The following USP24 variants were observed in gnomAD, a reference collection of about 807,000 sequenced individuals.
USP24 encodes ubiquitin specific peptidase 24.
Under a neutral mutation model 361.6 loss-of-function variants are expected in USP24, and 97 were observed. The observed-to-expected ratio is 0.27, with a 90% CI of 0.23 to 0.32. USP24 has a LOEUF of 0.32. USP24 is among the 10% of genes least tolerant of loss of function. USP24 has a pLI of 1.00. For synonymous variants in USP24, 1,098 were observed against 1,124.6 expected, an observed-to-expected ratio of 0.98 and a Z score of 0.47; for missense variants, 2,353 against 3,165.6, an observed-to-expected ratio of 0.74 and a Z score of 6.16.
At chr1:55,121,690 AGAG>A (rs1646286345) in intron 36 of USP24, among the ~76,000 whole-genome samples, 184 bp from the exon 37 acceptor site, 2 of 152,252 alleles carry the variant, frequency 1.3e-5, no homozygotes, top group African/African-American at 4.8e-5. Context: ...AAGTTGTTCA[AGAG>A]AAGAAACCAT....
At position 55,178,496 on chromosome 1, in the gene USP24, G is replaced by A. The variant is rs568986511; in HGVS notation, c.325-364C>T. Among the ~76,000 whole-genome samples the A allele has an allele frequency of 3.2e-3, 488 of 151,840 alleles. 3 individuals carry two copies. Among genetic ancestry groups the A allele is most frequent in the African/African-American group, 0.011 (467 of 41,394 alleles). Reference sequence around the variant, plus strand: ...ATCGTGGCTAACACGGTGAAACCCCGTCTCTATTAAAAATACAAAAAAATT... The same window carrying A: ...ATCGTGGCTAACACGGTGAAACCCCATCTCTATTAAAAATACAAAAAAATT... On this transcript the variant is annotated intron_variant, in intron 1 of 67. Transcript: ENST00000294383.
intron 38 of USP24, among the ~76,000 whole-genome samples, chr1:55,118,776 C>T (rs1199000210): frequency 2.6e-5 from 4 of 152,144 alleles, no homozygotes; most frequent in African/African-American, 4.8e-5. Context: ...AGAAGATATA[C>T]GAATGGCCAA....
intron 6 of USP24, among the ~76,000 whole-genome samples, chr1:55,166,296 G>A (rs868117802): frequency 2.6e-5 from 4 of 151,662 alleles, no homozygotes; most frequent in Middle Eastern, 3.4e-3. Flanking sequence ...CTACTTTATC[G>A]TTGTGCTCCG....
chr1:55,203,438 T>C (rs1393585324), intron 1 of USP24, among the ~76,000 whole-genome samples: 1 of 152,212 alleles, frequency 6.6e-6, no homozygotes, highest in Non-Finnish European at 1.5e-5. Context: ...GTCCCAGCTG[T>C]GAAACAAATA....
chr1:55,110,145 TC>T, intron 39 of USP24, 39 bp downstream of exon 39: 1 of 1,481,886 alleles, frequency 6.7e-7, no homozygotes, highest in Non-Finnish European at 9.1e-7. Flanking sequence ...CTTCTACTCT[TC>T]CCCAGCCCCT....
At chr1:55,110,689 G>A (rs1398916011) in intron 38 of USP24, among the ~76,000 whole-genome samples, 1 of 152,130 alleles carries the variant, frequency 6.6e-6, no homozygotes, top group African/African-American at 2.4e-5. Flanking sequence ...ACAGAGCAGA[G>A]TAAGAAGAGA....
At chr1:55,180,315 G>A (rs1191174663) in intron 1 of USP24, among the ~76,000 whole-genome samples, 1 of 152,144 alleles carries the variant, frequency 6.6e-6, no homozygotes, top group African/African-American at 2.4e-5. Context: ...CTTCCTCCTG[G>A]TTCTCTCTTG....
intron 38 of USP24, among the ~76,000 whole-genome samples, chr1:55,120,226 C>T (rs986762470): frequency 7.2e-5 from 11 of 152,126 alleles, no homozygotes; most frequent in Non-Finnish European, 1.5e-4. Context: ...CCTTGGCTAC[C>T]TCTAGACACG....
At chr1:55,093,915 G>T (rs763324994) in intron 52 of USP24, 22 bp downstream of exon 52, 3 of 1,612,074 alleles carry the variant, frequency 1.9e-6, no homozygotes, top group East Asian at 4.5e-5. Flanking sequence ...TTCCCCCTTA[G>T]AATTTTTTAT....
At chr1:55,112,976 A>G (rs1645998179) in intron 38 of USP24, among the ~76,000 whole-genome samples, 1 of 152,196 alleles carries the variant, frequency 6.6e-6, no homozygotes, top group Admixed American at 6.5e-5. Context: ...TATTTAGGAT[A>G]GTTAGCTCTT....
At chr1:55,138,212 C>T (rs1023961909) in intron 26 of USP24, among the ~76,000 whole-genome samples, 4 of 152,156 alleles carry the variant, frequency 2.6e-5, no homozygotes, top group Non-Finnish European at 4.4e-5. Context: ...TGCCTTTGTA[C>T]CTGTTCTTCC....
At chr1:55,173,046 A>G (rs1308816458) in intron 3 of USP24, among the ~76,000 whole-genome samples, 1 of 152,188 alleles carries the variant, frequency 6.6e-6, no homozygotes, top group Non-Finnish European at 1.5e-5. Flanking sequence ...GTCCATATTA[A>G]TATTTCTGGA....
chr1:55,133,090 C>T (rs1646637162), intron 30 of USP24, among the ~76,000 whole-genome samples: 1 of 152,126 alleles, frequency 6.6e-6, no homozygotes, highest in East Asian at 1.9e-4. Flanking sequence ...TTTATAATTA[C>T]ATTAGTTTTA....
chr1:55,094,925 C>T (rs1161088857), intron 51 of USP24, among the ~76,000 whole-genome samples: 5 of 152,062 alleles, frequency 3.3e-5, no homozygotes, highest in African/African-American at 1.2e-4. Flanking sequence ...ATCGCTTCAG[C>T]CTGGGAGGTC....
intron 56 of USP24, 88 bp downstream of exon 56, chr1:55,085,854 C>T (rs1645239435): frequency 7.3e-7 from 1 of 1,373,726 alleles, no homozygotes; most frequent in Middle Eastern, 1.8e-4. Flanking sequence ...TTACCAGACT[C>T]CAATCCTAGG....
At chr1:55,158,791 C>T in intron 10 of USP24, 87 bp downstream of exon 10, 1 of 1,126,414 alleles carries the variant, frequency 8.9e-7, no homozygotes, top group Non-Finnish European at 1.1e-6. Context: ...ATTCATATTT[C>T]CCAAAATTGT....
intron 1 of USP24, among the ~76,000 whole-genome samples, chr1:55,198,818 T>G (rs1166327315): frequency 6.6e-6 from 1 of 152,244 alleles, no homozygotes; most frequent in African/African-American, 2.4e-5. Context: ...GAACAAATTA[T>G]GTAATGAAAG....
intron 20 of USP24, among the ~76,000 whole-genome samples, chr1:55,144,450 A>G (rs979813379): frequency 3.3e-5 from 5 of 152,244 alleles, no homozygotes; most frequent in African/African-American, 1.2e-4. Flanking sequence ...ATACTTGCAA[A>G]TCAACTATCT....
intron 53 of USP24, among the ~76,000 whole-genome samples, 185 bp downstream of exon 53, chr1:55,092,636 T>C (rs771631880): frequency 2.6e-5 from 4 of 152,198 alleles, no homozygotes; most frequent in Non-Finnish European, 5.9e-5. Flanking sequence ...ACCATCTACA[T>C]TATACATTCA....
Sources: gnomAD v4.1 joint callset for allele counts (sites outside exome capture counted in the v4.1 genomes callset) on GRCh38, gnomAD v4.1.1 for gene constraint, MANE v1.5 for transcripts, NCBI Gene and HGNC (gene_info 2026-07-23, HGNC 2026-07-21) for gene names.